Variants in FGFR2 observed in about 807,000 individuals in gnomAD.
The protein encoded by FGFR2 is BEK fibroblast growth factor receptor.
A neutral mutation model predicts 95.9 loss-of-function variants in FGFR2; 19 were observed. The ratio of observed to expected loss-of-function variants is 0.20; its 90% CI spans 0.14 to 0.29. FGFR2 has a LOEUF of 0.29. Ranked by LOEUF, FGFR2 falls within the 10% of genes least tolerant of loss-of-function variation. The probability of loss-of-function intolerance (pLI) is 1.00; values close to 1 mark genes in which losing one functional copy is unlikely to be tolerated. For missense variants in FGFR2, 707 were observed against 1,056.9 expected (o/e 0.67, Z 4.59); for synonymous variants, 392 against 393.3 (o/e 1.00, Z 0.04).
chr10:121,500,739 A>G (rs1288589997), intron 11 of FGFR2, 87 bp downstream of exon 11: 1 of 1,577,000 alleles, frequency 6.3e-7, no homozygotes, highest in Non-Finnish European at 8.6e-7. Context: ...ACCCCGTGCC[A>G]TGATAGAGTT....
chr10:121,560,585 A>T (rs917780343), intron 4 of FGFR2, among the ~76,000 whole-genome samples: 1 of 132,868 alleles, frequency 7.5e-6, no homozygotes, highest in Non-Finnish European at 1.5e-5. Flanking sequence ...ACTGCACTCC[A>T]GCCTGGGCAA....
At chr10:121,510,895 G>C (rs566288638) in intron 9 of FGFR2, among the ~76,000 whole-genome samples, 1 of 151,864 alleles carries the variant, frequency 6.6e-6, no homozygotes, top group Non-Finnish European at 1.5e-5. Context: ...TCTACCTCCT[G>C]GGTTCTAGTG....
chr10:121,490,154 CTTTTTTTTTTTTTT>C lies in FGFR2; in HGVS notation c.1864-2055_1864-2042del, dbSNP rs55633189. Among the ~76,000 whole-genome samples, 153 of 80,038 alleles carry C rather than the reference CTTTTTTTTTTTTTT, an allele frequency of 1.9e-3. 1 individual carries two copies. Among genetic ancestry groups the C allele is most frequent in the African/African-American group, 6.4e-3 (125 of 19,416 alleles). 52.5% of individuals were successfully genotyped at this position (80,038 alleles called of 152,430 possible). A position where few individuals can be genotyped will look rare whatever the true frequency, so the allele number is the denominator to read the frequency against. On this transcript the variant is annotated intron_variant, in intron 13 of 17. Coordinates refer to ENST00000358487, the MANE Select transcript of FGFR2 (RefSeq NM_000141.5). ...GATCTAGCTATTACGACTTTTCCTT[CTTTTTTTTTTTTTT>C]TTTTTTTTTTTTGAGACGGAGTTTC...
At chr10:121,480,396 CCGCT>C in intron 17 of FGFR2, 60 of 397,168 alleles carry the variant, frequency 1.5e-4, no homozygotes, top group South Asian at 3.5e-4. Context: ...CCTAAATAAC[CCGCT>C]GAGTCTACAC....
At position 121,551,389 on chromosome 10, in the gene FGFR2, G is replaced by A. The variant is rs1258547862; in HGVS notation, c.525C>T (p.Val175=). The part of the protein sequence containing the change: ...RLHAVPAANT[V]KFRCPAGGNP... ...TCCCCCCGGCTGGGCAGCGAAACTT[G>A]ACAGTGTTGGCCGCAGGCACAGCAT... The change falls in exon 5 of 18, where the codon GTC becomes GTT. Residue 175 remains valine (V), a synonymous_variant. Coordinates refer to ENST00000358487, the MANE Select transcript of FGFR2 (RefSeq NM_000141.5). The A allele has an allele frequency of 1.9e-6, 3 of 1,614,178 alleles. No individual in the cohort carries two copies. Among genetic ancestry groups the A allele is most frequent in the African/African-American group, 1.3e-5 (1 of 75,036 alleles).
At chr10:121,570,844 T>C (rs1483849343) in intron 2 of FGFR2, among the ~76,000 whole-genome samples, 2 of 152,244 alleles carry the variant, frequency 1.3e-5, no homozygotes, top group African/African-American at 4.8e-5. Flanking sequence ...GTCTCCTTCC[T>C]GGGACACAGC....
chr10:121,484,167 C>T (rs905563638), intron 16 of FGFR2, among the ~76,000 whole-genome samples: 15 of 152,096 alleles, frequency 9.9e-5, no homozygotes, highest in African/African-American at 3.6e-4. Flanking sequence ...AGTCTTCCCT[C>T]CCCTGACACC....
At chr10:121,480,665 T>C (rs556429265) in intron 17 of FGFR2, among the ~76,000 whole-genome samples, 15 of 152,312 alleles carry the variant, frequency 9.8e-5, no homozygotes, top group African/African-American at 3.6e-4. Flanking sequence ...AAAAAAGGCT[T>C]AGACATACTC....
At chr10:121,520,287 G>T (rs1350738694) in intron 6 of FGFR2, 118 bp from the exon 7 acceptor site, 2 of 1,023,892 alleles carry the variant, frequency 2.0e-6, no homozygotes, top group Non-Finnish European at 2.8e-6. Flanking sequence ...CAAGCCTGCT[G>T]GCTGACACCT....
intron 5 of FGFR2, among the ~76,000 whole-genome samples, chr10:121,547,153 G>A (rs1012225956): frequency 6.6e-6 from 1 of 152,150 alleles, no homozygotes; most frequent in South Asian, 2.1e-4. Flanking sequence ...GAACCCGGGA[G>A]GCAGAGGTTA....
chr10:121,483,887 G>A (rs1330376273), intron 16 of FGFR2, 84 bp from the exon 17 acceptor site: 9 of 996,162 alleles, frequency 9.0e-6, no homozygotes, highest in East Asian at 2.6e-5. Context: ...ATATGGGGAC[G>A]TGGTGTAAAT....
At chr10:121,496,012 T>C (rs1846750597) in intron 13 of FGFR2, among the ~76,000 whole-genome samples, 1 of 152,006 alleles carries the variant, frequency 6.6e-6, no homozygotes, top group South Asian at 2.1e-4. Flanking sequence ...CCACAGAGGG[T>C]CACCCGCCAA....
rs192680178 is a variant in FGFR2 at position 121,488,160 on chromosome 10, G to T, written c.1864-47C>A. The stretch of plus-strand genomic sequence containing the variant: ...GAGAAATAACTAATTTCAAAACACC[G>T]CCAGAACAAAAAGGAAATATGTTCA... On this transcript the variant is annotated intron_variant, in intron 13 of 17. Transcript: ENST00000358487. 14 of 1,608,104 alleles carry T rather than the reference G, an allele frequency of 8.7e-6. No individual in the cohort carries two copies. In the South Asian group the frequency reaches 1.1e-4, roughly 13 times the overall value.
intron 9 of FGFR2, among the ~76,000 whole-genome samples, chr10:121,506,357 C>CA (rs10678814): frequency 0.044 from 4,427 of 101,124 alleles, 383 homozygotes; most frequent in African/African-American, 0.15. Flanking sequence ...GACTCCGTCT[C>CA]AAAAAAAAAA....
chr10:121,575,898 A>C (rs1189258286), intron 2 of FGFR2, among the ~76,000 whole-genome samples: 3 of 151,402 alleles, frequency 2.0e-5, no homozygotes, highest in African/African-American at 7.3e-5. Context: ...ATTTAAAAAA[A>C]TAAAAGGCCG....
chr10:121,575,319 C>G (rs1187519998), intron 2 of FGFR2, among the ~76,000 whole-genome samples: 1 of 152,136 alleles, frequency 6.6e-6, no homozygotes, highest in East Asian at 1.9e-4. Flanking sequence ...CAGTGGAAAT[C>G]CGCACTCCCT....
At chr10:121,509,431 T>TTCC (rs1161400496) in intron 9 of FGFR2, among the ~76,000 whole-genome samples, 43 of 151,556 alleles carry the variant, frequency 2.8e-4, no homozygotes, top group Non-Finnish European at 5.2e-4. Flanking sequence ...GTTTTTTTTT[T>TTCC]TTCCTTTCTT....
chr10:121,527,110 T>C (rs756317444), intron 6 of FGFR2, among the ~76,000 whole-genome samples: 31 of 152,196 alleles, frequency 2.0e-4, no homozygotes, highest in Non-Finnish European at 4.0e-4. Flanking sequence ...GAGAGTAAAG[T>C]GCTGGCTGGG....
chr10:121,590,962 G>GGCAC (rs569281100), intron 2 of FGFR2, among the ~76,000 whole-genome samples: 10 of 152,022 alleles, frequency 6.6e-5, no homozygotes, highest in South Asian at 4.1e-4. Flanking sequence ...CAGGGGCACA[G>GGCAC]GCACGCACGC....
Sources: allele counts gnomAD v4.1 joint callset (sites outside exome capture counted in the v4.1 genomes callset), GRCh38; gene constraint gnomAD v4.1.1; transcripts MANE v1.5; gene names NCBI Gene and HGNC (gene_info 2026-07-23, HGNC 2026-07-21).